Variants in CTSC observed in about 807,000 individuals in gnomAD.
CTSC encodes the protein cathepsin C.
Under a neutral mutation model 40.9 loss-of-function variants are expected in CTSC, and 37 were observed. The observed-to-expected ratio is 0.91, with a 90% CI of 0.70 to 1.19. The LOEUF (loss-of-function observed/expected upper bound fraction) is 1.19, where lower values mean the gene tolerates loss of function less well. Ranked by LOEUF, CTSC falls within the 50% of genes most tolerant of loss-of-function variation. CTSC has a pLI of 0.00. For synonymous variants in CTSC, 232 were observed against 207.4 expected (o/e 1.12, Z -1.02); for missense variants, 594 against 567.3 (o/e 1.05, Z -0.48).
intron 2 of CTSC, among the ~76,000 whole-genome samples, chr11:88,318,769 A>G (rs56318332): frequency 0.023 from 3,566 of 152,214 alleles, 150 homozygotes; most frequent in African/African-American, 0.081. Context: ...AGCCTGGCAT[A>G]GTGGCACACG....
intron 4 of CTSC, among the ~76,000 whole-genome samples, chr11:88,308,011 GA>G (rs1328311457): frequency 6.6e-6 from 1 of 152,172 alleles, no homozygotes; most frequent in Non-Finnish European, 1.5e-5. Context: ...GATGAAACTA[GA>G]AGCATTTCAT....
At chr11:88,336,341 C>G (rs545392672) in intron 1 of CTSC, among the ~76,000 whole-genome samples, 11 of 151,242 alleles carry the variant, frequency 7.3e-5, no homozygotes, top group Non-Finnish European at 1.3e-4. Context: ...GAGATGGAGA[C>G]CATCCTGGCT....
intron 3 of CTSC, among the ~76,000 whole-genome samples, chr11:88,311,074 A>T (rs1429401446): frequency 6.6e-6 from 1 of 152,252 alleles, no homozygotes; most frequent in African/African-American, 2.4e-5. Context: ...AAGAGCTGAA[A>T]GAGACCTCAA....
chr11:88,328,255 AAAG>A (rs1938247604), intron 2 of CTSC: 2 of 1,213,782 alleles, frequency 1.6e-6, no homozygotes, highest in African/African-American at 1.5e-5. Flanking sequence ...CATCATCATG[AAAG>A]AAGACATAAA....
At position 88,300,440 on chromosome 11, in the gene CTSC, T is replaced by C. The variant is rs577852077; in HGVS notation, c.757+90A>G. On this transcript the variant is annotated intron_variant, in intron 5 of 6. Coordinates refer to ENST00000227266, the MANE Select transcript of CTSC (RefSeq NM_001814.6). ...TAAAAAGGGGATCATGCCCATTCCATCTAGGTATCCCCGAAATCCATCACA... is the reference window on the plus strand; with the variant it reads ...TAAAAAGGGGATCATGCCCATTCCACCTAGGTATCCCCGAAATCCATCACA... 9.0e-5 allele frequency: 72 copies of C among 795,690 alleles called. No homozygotes were observed. In the African/African-American group the frequency reaches 1.2e-3, roughly 13 times the overall value. 49.3% of individuals were successfully genotyped at this position (795,690 alleles called of 1,614,324 possible).
At chr11:88,305,334 C>G (rs1169304715) in intron 4 of CTSC, among the ~76,000 whole-genome samples, 1 of 152,194 alleles carries the variant, frequency 6.6e-6, no homozygotes, top group Non-Finnish European at 1.5e-5. Context: ...CTTTCTTGCA[C>G]AAGATCCAAG....
chr11:88,310,823 A>G (rs1565255721), intron 3 of CTSC, among the ~76,000 whole-genome samples: 1 of 152,184 alleles, frequency 6.6e-6, no homozygotes, highest in Non-Finnish European at 1.5e-5. Flanking sequence ...ATTGTAAATA[A>G]AATACTTTTG....
At position 88,293,648 on chromosome 11, in the gene CTSC, G is replaced by A. The variant is rs915347097; in HGVS notation, c.*358C>T. ...TATGAGCATCTATTTTAAAAGTTTT[G>A]ATAATTATTGCCATTATTTTCTTGT... On this transcript the variant is annotated 3_prime_UTR_variant, in exon 7 of 7. Coordinates refer to ENST00000227266, the MANE Select transcript of CTSC (RefSeq NM_001814.6). The A allele has an allele frequency of 1.3e-4, 30 of 236,842 alleles. No homozygotes were observed. The highest frequency in any genetic ancestry group is 2.3e-4 in the Non-Finnish European group (28 of 119,724). The allele number at this position is 236,842 out of a possible 1,614,324, so 14.7% of individuals were successfully genotyped here.
intron 5 of CTSC, 37 bp downstream of exon 5, chr11:88,300,493 A>C (rs217116): frequency 1.1e-5 from 15 of 1,316,692 alleles, no homozygotes; most frequent in Non-Finnish European, 1.6e-5. Flanking sequence ...AAATAGTTCC[A>C]AACAAATTAA....
intron 2 of CTSC, among the ~76,000 whole-genome samples, chr11:88,319,721 G>A (rs1424155101): frequency 6.6e-6 from 1 of 152,010 alleles, no homozygotes; most frequent in Non-Finnish European, 1.5e-5. Flanking sequence ...ATGTAGTACA[G>A]TGATACATGT....
intron 2 of CTSC, chr11:88,327,874 G>A: frequency 1.9e-6 from 1 of 528,688 alleles, no homozygotes; most frequent in Middle Eastern, 5.3e-4. Context: ...AGCATTCTTG[G>A]GAGAGCTGAT....
At chr11:88,333,017 T>A (rs1383868721) in intron 2 of CTSC, among the ~76,000 whole-genome samples, 1 of 152,252 alleles carries the variant, frequency 6.6e-6, no homozygotes, top group Non-Finnish European at 1.5e-5. Context: ...AAACACCAAA[T>A]GTGCTTACAC....
chr11:88,314,357 A>T (rs893949117), intron 2 of CTSC, among the ~76,000 whole-genome samples: 3 of 152,112 alleles, frequency 2.0e-5, no homozygotes, highest in Admixed American at 6.6e-5. Context: ...ATTGCATCTG[A>T]CTCTCTGAAT....
At chr11:88,322,518 T>C (rs1938048539) in intron 2 of CTSC, 2 of 152,182 alleles carry the variant, frequency 1.3e-5, no homozygotes, top group Non-Finnish European at 2.9e-5. Flanking sequence ...CCCTATTGCT[T>C]CTTTTTGTCA....
chr11:88,308,501 CCTTAT>C (rs1230843153), intron 4 of CTSC, among the ~76,000 whole-genome samples: 17 of 146,244 alleles, frequency 1.2e-4, no homozygotes, highest in East Asian at 4.1e-4. Context: ...TTTTATCTTA[CCTTAT>C]CTTATTTTAT....
chr11:88,330,569 G>C (rs1253590788), intron 2 of CTSC, among the ~76,000 whole-genome samples: 3 of 151,870 alleles, frequency 2.0e-5, no homozygotes, highest in Non-Finnish European at 4.4e-5. Context: ...GACTGGTCTC[G>C]AACGCCTGAC....
intron 6 of CTSC, 126 bp downstream of exon 6, chr11:88,296,007 G>C: frequency 1.0e-6 from 1 of 978,082 alleles, no homozygotes. Context: ...GGCCAGACTT[G>C]CACTCAGATT....
chr11:88,330,940 G>C (rs568393966), intron 2 of CTSC, among the ~76,000 whole-genome samples: 21 of 152,312 alleles, frequency 1.4e-4, no homozygotes, highest in Middle Eastern at 3.4e-3. Context: ...GATTGATTCC[G>C]AAGTGGAATG....
At chr11:88,330,356 T>C (rs952996628) in intron 2 of CTSC, among the ~76,000 whole-genome samples, 2 of 152,088 alleles carry the variant, frequency 1.3e-5, no homozygotes, top group Non-Finnish European at 2.9e-5. Flanking sequence ...AAAAAATCTT[T>C]CATTTTTTTA....
Sources: gnomAD v4.1 joint callset for allele counts (sites outside exome capture counted in the v4.1 genomes callset) on GRCh38, gnomAD v4.1.1 for gene constraint, MANE v1.5 for transcripts, NCBI Gene and HGNC (gene_info 2026-07-23, HGNC 2026-07-21) for gene names.